APOH: variants seen among roughly 807,000 people sequenced by gnomAD.
The protein encoded by APOH is apolipoprotein H.
Under a neutral mutation model 39.8 loss-of-function variants are expected in APOH, and 48 were observed. That is an observed-to-expected ratio of 1.21 (90% CI 0.96 to 1.54). APOH has a LOEUF of 1.54. APOH is among the 40% of genes most tolerant of loss of function. APOH has a pLI of 0.00. For synonymous variants in APOH, 153 were observed against 151.1 expected, an observed-to-expected ratio of 1.01 and a Z score of -0.09; for missense variants, 415 against 421.2, an observed-to-expected ratio of 0.99 and a Z score of 0.13.
chr17:66,227,219 A>G (rs1433078402), intron 2 of APOH, among the ~76,000 whole-genome samples: 1 of 152,170 alleles, frequency 6.6e-6, no homozygotes, highest in Non-Finnish European at 1.5e-5. Context: ...ATGATGTTAC[A>G]TTGGCTTTTT....
At chr17:66,217,554 G>A (rs557268890) in intron 5 of APOH, among the ~76,000 whole-genome samples, 1 of 152,090 alleles carries the variant, frequency 6.6e-6, no homozygotes, top group African/African-American at 2.4e-5. Flanking sequence ...CTGGAGCCAG[G>A]AGCACAATAT....
intron 6 of APOH, among the ~76,000 whole-genome samples, chr17:66,215,854 C>T (rs764683021): frequency 5.9e-5 from 9 of 152,106 alleles, no homozygotes; most frequent in Non-Finnish European, 8.8e-5. Context: ...CATTGAGATA[C>T]GGAAAAAGTA....
In APOH at chr17:66,214,641, T is replaced by G; in HGVS notation, c.794A>C (p.Lys265Thr). 1 of 1,611,328 alleles carries G rather than the reference T, an allele frequency of 6.2e-7. No homozygotes were observed. Among genetic ancestry groups the G allele is most frequent in the Non-Finnish European group, 8.5e-7 (1 of 1,178,660 alleles). The stretch of plus-strand genomic sequence containing the variant: ...CACAGTGGCTTTTTTCACAGGTACT[T>G]TACAAGATGCTGAAAGAGAGAATAC... ...SAMPSCKASC[K>T]VPVKKATVVY... The change falls in exon 7 of 8, where the codon AAA becomes ACA. Residue 265 changes from lysine (K) to threonine (T), a missense_variant. This residue lies in a region of APOH where 120 missense variants were observed against 110.6 expected (regional missense o/e 1.08). Transcript: ENST00000205948.
chr17:66,225,306 G>A (rs1302863684), intron 3 of APOH, among the ~76,000 whole-genome samples: 2 of 152,072 alleles, frequency 1.3e-5, no homozygotes. Context: ...CCACCGTTAA[G>A]TGACTGCCTC....
Position 66,226,054 on chromosome 17 carries a change from G to GT in APOH, c.311dup (p.Asn104LysfsTer8). 6.2e-7 allele frequency: 1 copy of GT among 1,613,578 alleles called. No individual in the cohort carries two copies. The highest frequency in any genetic ancestry group is 8.5e-7 in the Non-Finnish European group (1 of 1,179,692). The stretch of plus-strand genomic sequence containing the variant: ...CAGTGTTACAAGAAAAACTGATCGT[G>GT]TTGGGATATTCAAAAGTCGTATAGC... On this transcript the variant is annotated frameshift_variant, in exon 3 of 8. Transcript: ENST00000205948. LOFTEE classifies it high-confidence loss of function.
chr17:66,216,257 C>T (rs935180707), intron 6 of APOH, among the ~76,000 whole-genome samples: 15 of 151,490 alleles, frequency 9.9e-5, no homozygotes, highest in South Asian at 2.1e-4. Flanking sequence ...CCGAGGCGGG[C>T]GGATCACCTG....
In APOH at chr17:66,228,009, T is replaced by C; in HGVS notation, c.241+11A>G. 1 of 1,608,104 alleles carries C rather than the reference T, an allele frequency of 6.2e-7. No homozygotes were observed. The highest frequency in any genetic ancestry group is 1.1e-5 in the South Asian group (1 of 90,166). ...TGAGGGAAGAGAATGTGAGAGAAGG[T>C]ACTGACTTACGTGTACATTTCAGAG... On this transcript the variant is annotated intron_variant, in intron 2 of 7. Coordinates refer to ENST00000205948, the MANE Select transcript of APOH (RefSeq NM_000042.3).
rs1055171123 is a variant in APOH at position 66,224,488 on chromosome 17, A to G, written c.339-714T>C. On this transcript the variant is annotated intron_variant, in intron 3 of 7. Coordinates refer to ENST00000205948, the MANE Select transcript of APOH (RefSeq NM_000042.3). Reference sequence around the variant, plus strand: ...GATCCTGTAAAAAAAAAAAAAAAAAAAAAGAAAAGAAAAGAAGGAAAGGAA... The same window carrying G: ...GATCCTGTAAAAAAAAAAAAAAAAAGAAAGAAAAGAAAAGAAGGAAAGGAA... Among the ~76,000 whole-genome samples the G allele has an allele frequency of 1.6e-4, 14 of 88,200 alleles. 1 individual carries two copies. Among genetic ancestry groups the G allele is most frequent in the African/African-American group, 4.1e-4 (12 of 29,522 alleles). 57.9% of individuals were successfully genotyped at this position (88,200 alleles called of 152,430 possible).
chr17:66,213,773 A>G (rs535652641), intron 7 of APOH, among the ~76,000 whole-genome samples: 15 of 152,184 alleles, frequency 9.9e-5, no homozygotes, highest in Middle Eastern at 6.8e-3. Flanking sequence ...TCTCTTCTCT[A>G]ATAAAAATAT....
chr17:66,227,958 T>C, intron 2 of APOH, 62 bp downstream of exon 2: 1 of 1,546,336 alleles, frequency 6.5e-7, no homozygotes, highest in South Asian at 1.2e-5. Context: ...AGGTAGCTTA[T>C]TCCTCCAAAA....
chr17:66,214,711 G>A, intron 6 of APOH, 61 bp from the exon 7 acceptor site: 6 of 1,454,608 alleles, frequency 4.1e-6, no homozygotes, highest in South Asian at 1.2e-5. Context: ...CTGAAAGAGA[G>A]TATAGCATTT....
At chr17:66,225,733 C>T (rs1442161289) in intron 3 of APOH, among the ~76,000 whole-genome samples, 8 of 152,028 alleles carry the variant, frequency 5.3e-5, no homozygotes, top group Non-Finnish European at 1.0e-4. Flanking sequence ...AAAAATTAGC[C>T]GGGCGTGGTG....
rs77049645 is a variant in APOH at position 66,214,378 on chromosome 17, C to T, written c.982+75G>A. The T allele has an allele frequency of 9.8e-4, 1,394 of 1,423,364 alleles. 14 individuals carry two copies. In the African/African-American group the frequency reaches 0.018, roughly 18 times the overall value. 88.2% of individuals were successfully genotyped at this position (1,423,364 alleles called of 1,614,324 possible). On this transcript the variant is annotated intron_variant, in intron 7 of 7. Coordinates refer to ENST00000205948, the MANE Select transcript of APOH (RefSeq NM_000042.3). ...CTGGCCTCATCTGGTTTTTGACAAT[C>T]ATTATAGAACAAAGGCTCTGATTAT...
rs1567742413 is a variant in APOH, at chr17:66,226,082, A to G, written c.284T>C (p.Val95Ala). 3 of 1,613,818 alleles carry G rather than the reference A, an allele frequency of 1.9e-6. No individual in the cohort carries two copies. Among genetic ancestry groups the G allele is most frequent in the Non-Finnish European group, 2.5e-6 (3 of 1,179,842 alleles). ...PFAGILENGA[V>A]RYTTFEYPNT... is the part of the protein sequence containing the mutation. ...GGGATATTCAAAAGTCGTATAGCGT[A>G]CGGCTCCATTTTCTAAGATTCCAGC... Residue 95 changes from valine (V) to alanine (A), a missense_variant, in exon 3 of 8, where the codon GTA becomes GCA. By Grantham distance (64) the Val-to-Ala change is moderately conservative. Coordinates refer to ENST00000205948, the MANE Select transcript of APOH (RefSeq NM_000042.3).
intron 3 of APOH, among the ~76,000 whole-genome samples, chr17:66,225,641 A>G (rs1567742194): frequency 6.6e-6 from 1 of 152,190 alleles, no homozygotes; most frequent in African/African-American, 2.4e-5. Flanking sequence ...TAGTTGTTAT[A>G]TTCTCCAATC....
At chr17:66,221,270 G>A (rs1005775315) in intron 4 of APOH, among the ~76,000 whole-genome samples, 13 of 124,650 alleles carry the variant, frequency 1.0e-4, no homozygotes, top group Admixed American at 2.4e-4. Flanking sequence ...AGAAAGAAAG[G>A]AAGGAAGGAA....
At chr17:66,218,230 C>T (rs1273033563) in intron 5 of APOH, among the ~76,000 whole-genome samples, 1 of 152,150 alleles carries the variant, frequency 6.6e-6, no homozygotes, top group African/African-American at 2.4e-5. Flanking sequence ...GGTGATCTAG[C>T]ACCCCTCAAC....
At chr17:66,212,639 A>G (rs1036509765) in intron 7 of APOH, among the ~76,000 whole-genome samples, 3 of 152,168 alleles carry the variant, frequency 2.0e-5, no homozygotes, top group African/African-American at 7.2e-5. Context: ...TTGGCCTCCC[A>G]AAGTGCTGGG....
At chr17:66,213,242 A>G (rs1453467295) in intron 7 of APOH, among the ~76,000 whole-genome samples, 3 of 152,218 alleles carry the variant, frequency 2.0e-5, no homozygotes, top group Admixed American at 6.5e-5. Context: ...GCTGGTTCTT[A>G]CTTTCTGGCA....
Sources: gnomAD v4.1 joint callset for allele counts (sites outside exome capture counted in the v4.1 genomes callset) on GRCh38, gnomAD v4.1.1 for gene constraint, gnomAD v4.1.1 regional missense constraint, MANE v1.5 for transcripts, NCBI Gene and HGNC (gene_info 2026-07-23, HGNC 2026-07-21) for gene names.